SYN3: variants seen among roughly 807,000 people sequenced by gnomAD.
SYN3 encodes the protein synapsin-3.
Under a neutral mutation model 65.8 loss-of-function variants are expected in SYN3, and 35 were observed. That is an observed-to-expected ratio of 0.53 (90% confidence interval 0.41 to 0.70). The LOEUF is 0.70. Among genes scored for constraint, SYN3 ranks in the 30% least tolerant of loss-of-function variants. The pLI, the probability that SYN3 is intolerant of heterozygous loss-of-function variation, is 0.00. For synonymous variants in SYN3, 270 were observed against 292.9 expected, an observed-to-expected ratio of 0.92 and a Z score of 0.80; for missense variants, 680 against 749.0, an observed-to-expected ratio of 0.91 and a Z score of 1.08.
At chr22:32,686,582 G>A (rs2060591691) in intron 6 of SYN3, among the ~76,000 whole-genome samples, 1 of 143,200 alleles carries the variant, frequency 7.0e-6, no homozygotes. Flanking sequence ...CAGTCCAGCT[G>A]CTCCTCCATT....
At chr22:32,831,531 G>A (rs1254109180) in intron 6 of SYN3, among the ~76,000 whole-genome samples, 1 of 152,172 alleles carries the variant, frequency 6.6e-6, no homozygotes, top group East Asian at 1.9e-4. Context: ...GTAAAGCCTG[G>A]TCCCCATGGA....
Position 32,518,357 on chromosome 22 carries a change from G to A in SYN3, c.1319-23C>T, listed in dbSNP as rs200978418. ...CTCCTAAGGGGCCAGAAAAAAAAAG[G>A]TTCAGTTCAATTTTTTTTCTTAGGA... On this transcript the variant is annotated intron_variant, in intron 12 of 13. Coordinates refer to ENST00000358763, the MANE Select transcript of SYN3 (RefSeq NM_003490.4). 2.1e-4 allele frequency: 334 copies of A among 1,610,282 alleles called. No individual in the cohort carries two copies. The African/African-American group carries it at 3.2e-3, about 15-fold the overall frequency.
intron 2 of SYN3, among the ~76,000 whole-genome samples, chr22:32,996,544 A>T (rs1342016711): frequency 6.6e-6 from 1 of 152,092 alleles, no homozygotes; most frequent in Non-Finnish European, 1.5e-5. Flanking sequence ...AGCCCACGCT[A>T]CCACCTGTCA....
chr22:32,520,220 A>G (rs1285199230), intron 12 of SYN3, among the ~76,000 whole-genome samples: 1 of 152,124 alleles, frequency 6.6e-6, no homozygotes, highest in Non-Finnish European at 1.5e-5. Context: ...ACACCGCAGC[A>G]GTGAACCCCT....
chr22:32,744,911 G>A (rs544017145), intron 6 of SYN3, among the ~76,000 whole-genome samples: 2 of 152,286 alleles, frequency 1.3e-5, no homozygotes, highest in African/African-American at 4.8e-5. Flanking sequence ...CCGGGGAGTC[G>A]GGCTTGTCCA....
At chr22:33,045,835 A>G (rs1179930537) in intron 1 of SYN3, among the ~76,000 whole-genome samples, 1 of 151,860 alleles carries the variant, frequency 6.6e-6, no homozygotes, top group Non-Finnish European at 1.5e-5. Flanking sequence ...AACTACCACA[A>G]TGACCCACTC....
chr22:32,550,690 C>A (rs2058400485), intron 7 of SYN3, among the ~76,000 whole-genome samples: 1 of 126,850 alleles, frequency 7.9e-6, no homozygotes. Context: ...CCAAAAAGGC[C>A]TAGAAATGGC....
At position 32,758,198 on chromosome 22, in the gene SYN3, A is replaced by G. The variant is rs549249637; in HGVS notation, c.711+106717T>C. ...TGGTTTGTTTCCGGTTGTACCAAGG[A>G]TAGTTGTATTATGTTAGGCATAATT... On this transcript the variant is annotated intron_variant, in intron 6 of 13. Transcript: ENST00000358763. Among the ~76,000 whole-genome samples, 3 of 152,246 alleles carry G rather than the reference A, an allele frequency of 2.0e-5. No homozygotes were observed. The South Asian group carries it at 6.2e-4, about 32-fold the overall frequency.
chr22:32,581,427 A>T (rs2146493061), intron 7 of SYN3, among the ~76,000 whole-genome samples: 1 of 152,300 alleles, frequency 6.6e-6, no homozygotes, highest in East Asian at 1.9e-4. Context: ...GGGCTATTTT[A>T]CAGGTGAGAA....
At chr22:32,623,013 C>T (rs2059616804) in intron 6 of SYN3, among the ~76,000 whole-genome samples, 1 of 152,042 alleles carries the variant, frequency 6.6e-6, no homozygotes, top group Non-Finnish European at 1.5e-5. Flanking sequence ...CTCCTGAACA[C>T]ATTTTCCGAA....
At chr22:32,609,688 C>A (rs2059415651) in intron 6 of SYN3, among the ~76,000 whole-genome samples, 1 of 151,750 alleles carries the variant, frequency 6.6e-6, no homozygotes, top group Non-Finnish European at 1.5e-5. Context: ...GACAGGGTCT[C>A]GCTTTGTTGC....
chr22:32,897,991 TTTTGTTTG>T (rs1005218693), intron 4 of SYN3, among the ~76,000 whole-genome samples: 1 of 151,946 alleles, frequency 6.6e-6, no homozygotes, highest in Non-Finnish European at 1.5e-5. Context: ...AGCTATTGTT[TTTTGTTTG>T]TTTGTTTGTT....
chr22:32,807,394 A>AAT (rs367926863), intron 6 of SYN3, among the ~76,000 whole-genome samples: 64 of 100,596 alleles, frequency 6.4e-4, no homozygotes, highest in East Asian at 2.0e-3. Flanking sequence ...TATTATATAT[A>AAT]ATATATATAT....
chr22:32,762,639 T>G (rs1292688461), intron 6 of SYN3, among the ~76,000 whole-genome samples: 3 of 152,164 alleles, frequency 2.0e-5, no homozygotes, highest in Non-Finnish European at 4.4e-5. Context: ...CGAAACCCAG[T>G]GTCTGCAACC....
intron 6 of SYN3, among the ~76,000 whole-genome samples, chr22:32,680,697 T>A (rs2060511325): frequency 6.6e-6 from 1 of 152,236 alleles, no homozygotes; most frequent in Non-Finnish European, 1.5e-5. Flanking sequence ...TTCAGAGTTG[T>A]AAATTTCAGT....
chr22:32,516,157 CTG>C (rs1408917944), intron 13 of SYN3, among the ~76,000 whole-genome samples: 2 of 151,970 alleles, frequency 1.3e-5, no homozygotes, highest in African/African-American at 2.4e-5. Flanking sequence ...GTGAATACTC[CTG>C]TGTGTGTGAG....
chr22:32,635,205 TTCTATCTATCTGTCTG>T (rs774960820), intron 6 of SYN3: 11 of 152,366 alleles, frequency 7.2e-5, no homozygotes, highest in East Asian at 1.9e-4. Flanking sequence ...AGGCTAATCT[TTCTATCTATCTGTCTG>T]TCTATCTATC....
intron 2 of SYN3, among the ~76,000 whole-genome samples, chr22:33,000,113 C>T (rs1024719392): frequency 1.3e-5 from 2 of 152,156 alleles, no homozygotes; most frequent in South Asian, 2.1e-4. Flanking sequence ...CACCTGTAAT[C>T]TCAGCACTTT....
chr22:32,951,314 G>A (rs1193403572), intron 3 of SYN3, among the ~76,000 whole-genome samples: 1 of 151,868 alleles, frequency 6.6e-6, no homozygotes, highest in African/African-American at 2.4e-5. Context: ...CCTTCCTCAG[G>A]CCATTCAGAG....
Sources: allele counts gnomAD v4.1 joint callset (sites outside exome capture counted in the v4.1 genomes callset), GRCh38; gene constraint gnomAD v4.1.1; transcripts MANE v1.5; gene names NCBI Gene and HGNC (gene_info 2026-07-23, HGNC 2026-07-21).